QKI: variants seen among roughly 807,000 people sequenced by gnomAD.
QKI encodes KH domain-containing RNA-binding protein QKI.
QKI carries 10 observed loss-of-function variants against 39.0 expected under a neutral mutation model. The observed-to-expected ratio is 0.26, with a 90% CI of 0.16 to 0.43. QKI has a LOEUF of 0.43. Among genes scored for constraint, QKI ranks in the 20% least tolerant of loss-of-function variants. The pLI is 1.00. For synonymous variants in QKI, 204 were observed against 155.4 expected, an observed-to-expected ratio of 1.31 and a Z score of -2.33; for missense variants, 218 against 428.0, an observed-to-expected ratio of 0.51 and a Z score of 4.33.
intron 1 of QKI, among the ~76,000 whole-genome samples, chr6:163,449,483 G>A (rs1790390109): frequency 6.6e-6 from 1 of 152,142 alleles, no homozygotes; most frequent in South Asian, 2.1e-4. Flanking sequence ...TATAACATCA[G>A]CATTGCAAGT....
intron 2 of QKI, among the ~76,000 whole-genome samples, chr6:163,476,197 T>A (rs986607928): frequency 2.6e-5 from 4 of 151,500 alleles, no homozygotes; most frequent in Non-Finnish European, 5.9e-5. Flanking sequence ...AGGAAGTGGA[T>A]CAAAATAAAT....
chr6:163,567,149 G>C (rs935616527), intron 7 of QKI: 1 of 1,016,536 alleles, frequency 9.8e-7, no homozygotes, highest in African/African-American at 1.7e-5. Flanking sequence ...GAAATTTGGG[G>C]TTGGTATTGC....
intron 2 of QKI, among the ~76,000 whole-genome samples, chr6:163,460,191 G>T (rs1363415625): frequency 6.6e-6 from 1 of 152,164 alleles, no homozygotes; most frequent in Non-Finnish European, 1.5e-5. Context: ...TGATTAAATT[G>T]TAGTGAGACT....
chr6:163,564,916 T>C (rs1278331887), intron 6 of QKI: 29 of 1,362,938 alleles, frequency 2.1e-5, no homozygotes, highest in South Asian at 9.9e-5. Flanking sequence ...AGCATTAATA[T>C]TGATTTATAA....
At chr6:163,529,286 G>A (rs985269896) in intron 3 of QKI, among the ~76,000 whole-genome samples, 3 of 152,158 alleles carry the variant, frequency 2.0e-5, no homozygotes, top group South Asian at 2.1e-4. Flanking sequence ...AGAGCACTGT[G>A]GGAAAGCTGC....
chr6:163,519,647 C>T (rs1285690085), intron 3 of QKI, among the ~76,000 whole-genome samples: 1 of 151,418 alleles, frequency 6.6e-6, no homozygotes, highest in African/African-American at 2.4e-5. Context: ...TTTTAGAATA[C>T]AGGCAGTTGA....
chr6:163,561,488 G>T (rs1260709955), intron 4 of QKI, among the ~76,000 whole-genome samples: 1 of 152,118 alleles, frequency 6.6e-6, no homozygotes, highest in African/African-American at 2.4e-5. Context: ...CGTGCCTCTA[G>T]TCGCAGCTAC....
At chr6:163,480,954 C>T (rs1417140650) in intron 3 of QKI, among the ~76,000 whole-genome samples, 1 of 152,136 alleles carries the variant, frequency 6.6e-6, no homozygotes, top group African/African-American at 2.4e-5. Flanking sequence ...TAATGGCCCC[C>T]CACTCAACCT....
chr6:163,484,902 T>C (rs1427738830), intron 3 of QKI, among the ~76,000 whole-genome samples: 1 of 152,114 alleles, frequency 6.6e-6, no homozygotes, highest in East Asian at 1.9e-4. Context: ...GTTGGAAAAA[T>C]GGTGCCACAA....
At chr6:163,498,703 A>T (rs1460112074) in intron 3 of QKI, among the ~76,000 whole-genome samples, 2 of 151,964 alleles carry the variant, frequency 1.3e-5, no homozygotes, top group African/African-American at 4.8e-5. Context: ...TTTAGAAATA[A>T]TTTTTTATGA....
At chr6:163,529,833 A>G (rs989570994) in intron 3 of QKI, among the ~76,000 whole-genome samples, 1 of 152,238 alleles carries the variant, frequency 6.6e-6, no homozygotes, top group African/African-American at 2.4e-5. Flanking sequence ...ACGCTGATTC[A>G]GAAAATTCAT....
At chr6:163,434,710 C>G (rs1247848950) in intron 1 of QKI, among the ~76,000 whole-genome samples, 1 of 141,550 alleles carries the variant, frequency 7.1e-6, no homozygotes, top group Admixed American at 7.1e-5. Flanking sequence ...GTGAGACTCT[C>G]AAAAAAAAAA....
At chr6:163,509,101 G>A (rs1370716802) in intron 3 of QKI, among the ~76,000 whole-genome samples, 2 of 152,068 alleles carry the variant, frequency 1.3e-5, no homozygotes, top group Non-Finnish European at 2.9e-5. Context: ...TTGTGCCACT[G>A]CACTCCAGCC....
chr6:163,569,401 A>G (rs1264397363), intron 7 of QKI: 2 of 1,264,620 alleles, frequency 1.6e-6, no homozygotes, highest in Middle Eastern at 2.2e-4. Context: ...CTAACTTTGC[A>G]CTGAATATCT....
chr6:163,559,120 T>C (rs1282607565), intron 4 of QKI, among the ~76,000 whole-genome samples: 1 of 152,246 alleles, frequency 6.6e-6, no homozygotes, highest in Non-Finnish European at 1.5e-5. Flanking sequence ...AAATAATGAA[T>C]AGCTATTTTG....
intron 1 of QKI, among the ~76,000 whole-genome samples, chr6:163,428,207 T>C (rs982033979): frequency 1.3e-5 from 2 of 152,246 alleles, no homozygotes; most frequent in East Asian, 3.8e-4. Context: ...AAAGAACTTG[T>C]CTTTTTAAGA....
chr6:163,480,130 CTG>C (rs1792961105), intron 3 of QKI, among the ~76,000 whole-genome samples: 1 of 152,152 alleles, frequency 6.6e-6, no homozygotes, highest in Non-Finnish European at 1.5e-5. Flanking sequence ...CCCAGCAATA[CTG>C]TGAGGCAGGA....
chr6:163,531,763 C>G lies in QKI; in HGVS notation c.403-3219C>G, dbSNP rs1396381227. ...CAAGCAGTCTTCCTGCCTCGGCCCC[C>G]CCAAAGTGCTGGGATTACAGGCATG... On this transcript the variant is annotated intron_variant, in intron 3 of 7. Transcript: ENST00000361752. Among the ~76,000 whole-genome samples, 4 of 152,336 alleles carry G rather than the reference C, an allele frequency of 2.6e-5. No individual in the cohort carries two copies. In the East Asian group the frequency reaches 5.8e-4, roughly 22 times the overall value.
At chr6:163,416,419 T>C (rs1332813164) in intron 1 of QKI, 1 of 158,212 alleles carries the variant, frequency 6.3e-6, no homozygotes, top group African/African-American at 2.5e-5. Flanking sequence ...GGCCAGGAGT[T>C]TGTTTGTTTT....
Sources: allele counts gnomAD v4.1 joint callset (sites outside exome capture counted in the v4.1 genomes callset), GRCh38; gene constraint gnomAD v4.1.1; transcripts MANE v1.5; gene names NCBI Gene and HGNC (gene_info 2026-07-23, HGNC 2026-07-21).